TRHDE: variants seen among roughly 807,000 people sequenced by gnomAD.
The protein encoded by TRHDE is thyrotropin releasing hormone degrading enzyme.
In TRHDE, 72 loss-of-function variants were observed where a neutral mutation model predicts 125.7. The observed-to-expected ratio is 0.57, with a 90% CI of 0.47 to 0.70. TRHDE has a LOEUF of 0.70. Ranked by LOEUF, TRHDE falls within the 30% of genes least tolerant of loss-of-function variation. The pLI is 0.00. For synonymous variants in TRHDE, 509 were observed against 509.1 expected (o/e 1.00, Z 0.00); for missense variants, 1,110 against 1,327.1 (o/e 0.84, Z 2.54).
chr12:72,221,042 A>G (rs568429034), intron 2 of TRHDE, among the ~76,000 whole-genome samples: 3 of 152,254 alleles, frequency 2.0e-5, no homozygotes, highest in South Asian at 2.1e-4. Flanking sequence ...AGGCAGCAAT[A>G]TTATAATTAT....
At chr12:72,637,149 G>C (rs1483989050) in intron 15 of TRHDE, among the ~76,000 whole-genome samples, 4 of 152,164 alleles carry the variant, frequency 2.6e-5, no homozygotes, top group Middle Eastern at 3.4e-3. Flanking sequence ...CTTTTTGGTT[G>C]GTAAGCTATT....
chr12:72,159,088 T>G (rs547573241), intron 2 of TRHDE, among the ~76,000 whole-genome samples: 6 of 152,208 alleles, frequency 3.9e-5, no homozygotes, highest in Admixed American at 1.3e-4. Flanking sequence ...TTACAGTAAC[T>G]TTATTTATTC....
intron 2 of TRHDE, among the ~76,000 whole-genome samples, chr12:72,215,123 G>A (rs1183169911): frequency 6.6e-6 from 1 of 152,074 alleles, no homozygotes; most frequent in East Asian, 1.9e-4. Flanking sequence ...GGGAGATAAG[G>A]GTGGGGCCGT....
At chr12:72,090,931 C>T (rs1369813263) in intron 1 of TRHDE, among the ~76,000 whole-genome samples, 1 of 151,900 alleles carries the variant, frequency 6.6e-6, no homozygotes, top group African/African-American at 2.4e-5. Flanking sequence ...AGTACAGTGG[C>T]ACAATCATAG....
At chr12:72,562,788 CTT>C (rs1870240660) in intron 8 of TRHDE, 63 bp from the exon 9 acceptor site, 3 of 1,049,398 alleles carry the variant, frequency 2.9e-6, no homozygotes, top group Non-Finnish European at 2.7e-6. Flanking sequence ...ATAAAAATGT[CTT>C]AATGTTAATA....
At chr12:72,263,830 G>A (rs1251292728) in intron 2 of TRHDE, 3 of 151,960 alleles carry the variant, frequency 2.0e-5, no homozygotes, top group Admixed American at 6.6e-5. Flanking sequence ...CATAGCTAAT[G>A]GATAGCTTAT....
chr12:72,499,469 A>G lies in TRHDE; in HGVS notation c.1585-29A>G, dbSNP rs766842046. 4.3e-6 allele frequency: 7 copies of G among 1,610,124 alleles called. No individual in the cohort carries two copies. The Admixed American group carries it at 8.4e-5, about 19-fold the overall frequency. The stretch of plus-strand genomic sequence containing the variant: ...ACATATGTCTAACTATGAATCACCT[A>G]TGATATTGCCCCGTCTGCTGTATTG... On this transcript the variant is annotated intron_variant, in intron 5 of 18. Coordinates refer to ENST00000261180, the MANE Select transcript of TRHDE (RefSeq NM_013381.3).
At chr12:72,201,315 T>C (rs995922288) in intron 2 of TRHDE, among the ~76,000 whole-genome samples, 4 of 152,316 alleles carry the variant, frequency 2.6e-5, no homozygotes, top group Admixed American at 6.5e-5. Flanking sequence ...ATTATAGATT[T>C]TTTTTGGGAA....
At chr12:72,296,284 A>AT (rs1472031415) in intron 2 of TRHDE, among the ~76,000 whole-genome samples, 3 of 152,208 alleles carry the variant, frequency 2.0e-5, no homozygotes, top group Non-Finnish European at 4.4e-5. Context: ...CAATATTGAA[A>AT]TAAAAATAGA....
rs1004798721 is a variant in TRHDE at position 72,319,473 on chromosome 12, C to T, written c.1188+32519C>T. ...TTTTAACCTTGAACTCTTTTCTGCTCAATACTTAATCAAAACTTGGATGGA... is the reference window on the plus strand; with the variant it reads ...TTTTAACCTTGAACTCTTTTCTGCTTAATACTTAATCAAAACTTGGATGGA... On this transcript the variant is annotated intron_variant, in intron 2 of 18. Coordinates refer to ENST00000261180, the MANE Select transcript of TRHDE (RefSeq NM_013381.3). Among the ~76,000 whole-genome samples, 6 of 152,254 alleles carry T rather than the reference C, an allele frequency of 3.9e-5. No individual in the cohort carries two copies. In the East Asian group the frequency reaches 1.2e-3, roughly 29 times the overall value.
At chr12:72,656,370 G>T in intron 17 of TRHDE, among the ~76,000 whole-genome samples, 1 of 152,138 alleles carries the variant, frequency 6.6e-6, no homozygotes, top group East Asian at 1.9e-4. Flanking sequence ...ATGCATTTTT[G>T]AGAATGTATT....
intron 6 of TRHDE, among the ~76,000 whole-genome samples, chr12:72,520,848 A>G (rs1015209555): frequency 6.6e-6 from 1 of 152,204 alleles, no homozygotes; most frequent in Non-Finnish European, 1.5e-5. Context: ...TTACCGTATT[A>G]AAAGCTTGAA....
At chr12:72,521,382 G>A (rs1375459083) in intron 6 of TRHDE, among the ~76,000 whole-genome samples, 1 of 152,144 alleles carries the variant, frequency 6.6e-6, no homozygotes, top group Admixed American at 6.5e-5. Context: ...GCTCAGAAAA[G>A]CGCTATGCCA....
In TRHDE at chr12:72,670,148, C is replaced by A. The variant is rs1875213979; in HGVS notation, c.*6953C>A. The A allele has an allele frequency of 1.3e-5, 2 of 151,784 alleles. No individual in the cohort carries two copies. The highest frequency in any genetic ancestry group is 1.3e-4 in the Admixed American group (2 of 15,190). The allele number at this position is 151,784 out of a possible 1,614,324, so 9.4% of individuals were successfully genotyped here. A position where few individuals can be genotyped will look rare whatever the true frequency, so the allele number is the denominator to read the frequency against. ...GTGAACAGGCTTATTTAAAATATGT[C>A]ATATAAAAGCACTTTTCCTTTCTAA... is the stretch of plus-strand genomic sequence containing the variant. On this transcript the variant is annotated 3_prime_UTR_variant, in exon 19 of 19. Transcript: ENST00000261180.
Position 72,635,906 on chromosome 12 carries a change from C to G in TRHDE, c.2675+14155C>G, listed in dbSNP as rs902025567. Among the ~76,000 whole-genome samples the G allele has an allele frequency of 5.3e-5, 8 of 152,194 alleles. No individual in the cohort carries two copies. In the East Asian group the frequency reaches 5.8e-4, roughly 11 times the overall value. ...TACCATGCTCTTTTGGTTACTGTAG[C>G]CTTGTAGTATAGTTTGAAGTCAGGT... On this transcript the variant is annotated intron_variant, in intron 15 of 18. Coordinates refer to ENST00000261180, the MANE Select transcript of TRHDE (RefSeq NM_013381.3).
chr12:72,384,857 C>T (rs1177237259), intron 3 of TRHDE, among the ~76,000 whole-genome samples: 1 of 152,002 alleles, frequency 6.6e-6, no homozygotes, highest in Non-Finnish European at 1.5e-5. Context: ...TAAAGCTTTT[C>T]ATCACATATT....
intron 2 of TRHDE, among the ~76,000 whole-genome samples, chr12:72,192,572 T>C (rs1877361985): frequency 1.3e-5 from 2 of 152,140 alleles, no homozygotes; most frequent in Admixed American, 1.3e-4. Flanking sequence ...TGTTTCTTTC[T>C]ACATTACAAA....
At chr12:72,416,542 G>T (rs1477608055) in intron 3 of TRHDE, among the ~76,000 whole-genome samples, 1 of 151,784 alleles carries the variant, frequency 6.6e-6, no homozygotes. Context: ...ATTCATTTTG[G>T]TTTGACATCT....
At chr12:72,263,076 G>GT (rs1259742053) in intron 2 of TRHDE, 1 of 152,024 alleles carries the variant, frequency 6.6e-6, no homozygotes, top group Non-Finnish European at 1.5e-5. Context: ...GGTAAAATGT[G>GT]TTTTGCTTCT....
Sources: gnomAD v4.1 joint callset for allele counts (sites outside exome capture counted in the v4.1 genomes callset) on GRCh38, gnomAD v4.1.1 for gene constraint, MANE v1.5 for transcripts, NCBI Gene and HGNC (gene_info 2026-07-23, HGNC 2026-07-21) for gene names.